ATAD2B: variants seen among roughly 807,000 people sequenced by gnomAD.
The protein encoded by ATAD2B is ATPase family AAA domain containing 2B, also known as ATPase family AAA domain-containing protein 2B.
Under a neutral mutation model 167.6 loss-of-function variants are expected in ATAD2B, and 40 were observed. The ratio of observed to expected loss-of-function variants is 0.24; its 90% CI spans 0.19 to 0.31. ATAD2B has a LOEUF of 0.31. Among genes scored for constraint, ATAD2B ranks in the 10% least tolerant of loss-of-function variants. The pLI is 1.00. For synonymous variants in ATAD2B, 579 were observed against 596.5 expected (o/e 0.97, Z 0.43); for missense variants, 1,242 against 1,757.2 (o/e 0.71, Z 5.24).
Position 23,863,476 on chromosome 2 carries a change from C to T in ATAD2B, c.1384G>A (p.Asp462Asn). ...RALANECSQG[D>N]KKVAFFMRKG... ...CGCATAAAAAAAGCCACTTTTTTGT[C>T]TCCTTGGCTGCATTCATTAGCTAAT... The change falls in exon 12 of 28, where the codon GAC becomes AAC. Residue 462 changes from aspartate to asparagine, a missense_variant. Coordinates refer to ENST00000238789, the MANE Select transcript of ATAD2B (RefSeq NM_017552.4). 1 of 1,557,930 alleles carries T rather than the reference C, an allele frequency of 6.4e-7. No homozygotes were observed. Among genetic ancestry groups the T allele is most frequent in the Non-Finnish European group, 8.7e-7 (1 of 1,150,084 alleles).
intron 13 of ATAD2B, among the ~76,000 whole-genome samples, chr2:23,852,856 T>C (rs1167235408): frequency 6.6e-6 from 1 of 150,948 alleles, no homozygotes; most frequent in Admixed American, 6.6e-5. Flanking sequence ...GAGGTGGAGG[T>C]TGCAGTGAGC....
chr2:23,788,747 C>G (rs1385088580), intron 19 of ATAD2B, 100 bp from the exon 20 acceptor site: 3 of 1,026,660 alleles, frequency 2.9e-6, no homozygotes, highest in South Asian at 3.5e-5. Context: ...GTATCATGTT[C>G]AATATTCATA....
intron 22 of ATAD2B, among the ~76,000 whole-genome samples, chr2:23,767,233 A>AT (rs1275714008): frequency 2.0e-5 from 3 of 151,964 alleles, no homozygotes; most frequent in African/African-American, 7.2e-5. Flanking sequence ...TGTCATAACC[A>AT]TTTTTCCCGC....
chr2:23,798,810 G>C (rs1222072339), intron 18 of ATAD2B, among the ~76,000 whole-genome samples: 1 of 152,076 alleles, frequency 6.6e-6, no homozygotes, highest in Non-Finnish European at 1.5e-5. Flanking sequence ...CCACCCTAGA[G>C]CTTAAAATTA....
the ATAD2B span, among the ~76,000 whole-genome samples, chr2:23,728,235 G>C: frequency 6.6e-6 from 1 of 152,024 alleles, no homozygotes. Flanking sequence ...TTAAAAAAAA[G>C]GTCTATTAAG....
At chr2:23,701,793 C>CTTTTTTTT in the ATAD2B span, among the ~76,000 whole-genome samples, 3 of 22,542 alleles carry the variant, frequency 1.3e-4, 1 homozygote, top group Admixed American at 1.5e-3. Context: ...CTTTTTTTTG[C>CTTTTTTTT]TTTTTTTTTT....
intron 1 of ATAD2B, among the ~76,000 whole-genome samples, chr2:23,925,388 TA>T (rs1257518969): frequency 6.6e-6 from 1 of 152,236 alleles, no homozygotes; most frequent in Admixed American, 6.5e-5. Context: ...TCCATTCTGT[TA>T]GTGTCAAAAC....
At chr2:23,813,076 G>C (rs891104537) in intron 17 of ATAD2B, among the ~76,000 whole-genome samples, 40 of 151,944 alleles carry the variant, frequency 2.6e-4, no homozygotes, top group Non-Finnish European at 4.1e-4. Context: ...GCAAAGCTCA[G>C]GTTCTGAACC....
chr2:23,906,197 C>G (rs912693282), intron 1 of ATAD2B, among the ~76,000 whole-genome samples: 1 of 151,696 alleles, frequency 6.6e-6, no homozygotes, highest in Admixed American at 6.6e-5. Flanking sequence ...AAAAATTGGC[C>G]GGGTTTGGTG....
At chr2:23,791,558 C>T (rs1042600031) in intron 19 of ATAD2B, among the ~76,000 whole-genome samples, 4 of 151,282 alleles carry the variant, frequency 2.6e-5, no homozygotes, top group African/African-American at 9.7e-5. Flanking sequence ...GTATTTCATT[C>T]CTGAATGACT....
intron 10 of ATAD2B, among the ~76,000 whole-genome samples, chr2:23,866,521 GA>G (rs928326528): frequency 7.2e-5 from 11 of 151,848 alleles, no homozygotes; most frequent in African/African-American, 2.2e-4. Context: ...TAAAAATGAA[GA>G]AAAAAATTTT....
At chr2:23,897,474 C>T (rs1700286691) in intron 1 of ATAD2B, among the ~76,000 whole-genome samples, 1 of 152,182 alleles carries the variant, frequency 6.6e-6, no homozygotes, top group Admixed American at 6.6e-5. Flanking sequence ...TCAAATACCA[C>T]AAAGATAGTG....
At chr2:23,906,480 G>C (rs534727031) in intron 1 of ATAD2B, among the ~76,000 whole-genome samples, 2 of 152,158 alleles carry the variant, frequency 1.3e-5, no homozygotes, top group Non-Finnish European at 2.9e-5. Context: ...GCTCCTGGTC[G>C]ATTTGGGGTG....
chr2:23,806,394 A>C (rs1289518134), intron 18 of ATAD2B, among the ~76,000 whole-genome samples: 1 of 152,120 alleles, frequency 6.6e-6, no homozygotes, highest in Non-Finnish European at 1.5e-5. Flanking sequence ...CTACTTCTAC[A>C]CAAGTCTAAG....
At chr2:23,785,303 G>A (rs1242570980) in intron 21 of ATAD2B, among the ~76,000 whole-genome samples, 1 of 152,068 alleles carries the variant, frequency 6.6e-6, no homozygotes, top group Non-Finnish European at 1.5e-5. Context: ...CATGGAGTCT[G>A]AACTATAAGA....
At chr2:23,878,103 G>A (rs1379456268) in intron 7 of ATAD2B, among the ~76,000 whole-genome samples, 1 of 149,502 alleles carries the variant, frequency 6.7e-6, no homozygotes, top group Admixed American at 6.7e-5. Flanking sequence ...GCTCAGGTCT[G>A]TAATCCCAGC....
chr2:23,858,485 CA>C (rs1693796880), intron 12 of ATAD2B, among the ~76,000 whole-genome samples: 1 of 128,554 alleles, frequency 7.8e-6, no homozygotes, highest in Non-Finnish European at 1.6e-5. Context: ...AGACCTGTCT[CA>C]TTCTTTTTTT....
chr2:23,699,586 C>CCTGT, the ATAD2B span, among the ~76,000 whole-genome samples: 76 of 152,312 alleles, frequency 5.0e-4, no homozygotes, highest in Admixed American at 1.4e-3. Flanking sequence ...TCCTTTCTCC[C>CCTGT]CTGTCTTGTC....
chr2:23,908,456 A>G (rs1701798990), intron 1 of ATAD2B, among the ~76,000 whole-genome samples: 1 of 152,246 alleles, frequency 6.6e-6, no homozygotes, highest in African/African-American at 2.4e-5. Flanking sequence ...CACACCAGTT[A>G]GAATGGCAAT....
Sources: allele counts gnomAD v4.1 joint callset (sites outside exome capture counted in the v4.1 genomes callset), GRCh38; gene constraint gnomAD v4.1.1; transcripts MANE v1.5; gene names NCBI Gene and HGNC (gene_info 2026-07-23, HGNC 2026-07-21).